Variants in CELSR1 observed in about 807,000 individuals in gnomAD.
The protein encoded by CELSR1 is cadherin EGF LAG seven-pass G-type receptor 1.
CELSR1 carries 110 observed loss-of-function variants against 249.1 expected under a neutral mutation model. The observed-to-expected ratio is 0.44, with a 90% CI of 0.38 to 0.52. The LOEUF (loss-of-function observed/expected upper bound fraction) is 0.52. Among genes scored for constraint, CELSR1 ranks in the 20% least tolerant of loss-of-function variants. CELSR1 has a pLI of 0.00. For missense variants in CELSR1, 4,109 were observed against 4,296.4 expected (o/e 0.96, Z 1.22); for synonymous variants, 2,113 against 1,900.0 (o/e 1.11, Z -2.92).
At position 46,364,737 on chromosome 22, in the gene CELSR1, C is replaced by A; in HGVS notation, c.8555-1G>T. 1 of 1,611,136 alleles carries A rather than the reference C, an allele frequency of 6.2e-7. No individual in the cohort carries two copies. The highest frequency in any genetic ancestry group is 8.5e-7 in the Non-Finnish European group (1 of 1,179,416). On this transcript the variant is annotated splice_acceptor_variant, in intron 32 of 34. Coordinates refer to ENST00000674500, the MANE Select transcript of CELSR1 (RefSeq NM_001378328.1). LOFTEE classifies it high-confidence loss of function. ...GGAACGTGGTTGGCCACAGCGTCCC[C>A]TGAGGCACGAGAGCGGTGCTCAGCA...
At chr22:46,465,302 CCCCACCCCAT>C (rs3838178) in intron 1 of CELSR1, among the ~76,000 whole-genome samples, 69,243 of 151,276 alleles carry the variant, frequency 0.46, 15,994 homozygotes, top group South Asian at 0.53. Flanking sequence ...TTCCAGGAGC[CCCCACCCCAT>C]CCCACCCCAT....
At position 46,439,421 on chromosome 22, in the gene CELSR1, G is replaced by C; in HGVS notation, c.4184-10C>G. On this transcript the variant is annotated splice_polypyrimidine_tract_variant and intron_variant, in intron 2 of 34. Transcript: ENST00000674500. ...ACCTCACAGTGCTCTCCTGGGGGGC[G>C]AGAGGAAGATGCCAGAGAGGAGGTT... 1 of 1,606,066 alleles carries C rather than the reference G, an allele frequency of 6.2e-7. No individual in the cohort carries two copies. Among genetic ancestry groups the C allele is most frequent in the Non-Finnish European group, 8.5e-7 (1 of 1,177,148 alleles).
At chr22:46,494,366 C>G (rs948415048) in intron 1 of CELSR1, among the ~76,000 whole-genome samples, 24 of 152,094 alleles carry the variant, frequency 1.6e-4, no homozygotes, top group African/African-American at 5.8e-4. Flanking sequence ...TTTCAACTTC[C>G]TCTAAATTAT....
intron 20 of CELSR1, among the ~76,000 whole-genome samples, chr22:46,382,869 C>T (rs957061774): frequency 2.6e-5 from 4 of 152,096 alleles, no homozygotes; most frequent in East Asian, 3.9e-4. Context: ...ACAGAAAGAA[C>T]GGTAGGCACC....
chr22:46,452,892 A>T (rs2079902580), intron 2 of CELSR1, among the ~76,000 whole-genome samples: 1 of 152,258 alleles, frequency 6.6e-6, no homozygotes, highest in African/African-American at 2.4e-5. Flanking sequence ...TCCAGGCCTC[A>T]GTAGTTGCTT....
At chr22:46,369,869 G>T in intron 25 of CELSR1, 65 bp from the exon 26 acceptor site, 2 of 1,402,324 alleles carry the variant, frequency 1.4e-6, no homozygotes, top group South Asian at 1.2e-5. Context: ...CCATGCCAAG[G>T]ACCAGCCAGG....
rs1333425864 is a variant in CELSR1 at position 46,427,588 on chromosome 22, A to T, written c.4611+5805T>A. On this transcript the variant is annotated intron_variant, in intron 5 of 34. Transcript: ENST00000674500. This position sits in a 1 kb window ranked among gnomAD's most constrained non-coding sequence, Gnocchi z 4.2. ...CTATGGCTTTTAAAATCTAGTAACAAGATCCTGGGAGCTCCTCCCCTCATC... is the reference window on the plus strand; with the variant it reads ...CTATGGCTTTTAAAATCTAGTAACATGATCCTGGGAGCTCCTCCCCTCATC... 6.6e-6 allele frequency among the ~76,000 whole-genome samples: 1 copy of T among 152,210 alleles called. No homozygotes were observed. The highest frequency in any genetic ancestry group is 1.9e-4 in the East Asian group (1 of 5,190).
At chr22:46,523,768 C>T (rs1249651050) in intron 1 of CELSR1, among the ~76,000 whole-genome samples, 2 of 152,112 alleles carry the variant, frequency 1.3e-5, no homozygotes, top group African/African-American at 4.8e-5. Context: ...AAATAAGAGC[C>T]TCCAGCTCTG....
At chr22:46,476,851 A>G (rs8135711) in intron 1 of CELSR1, among the ~76,000 whole-genome samples, 99,974 of 151,906 alleles carry the variant, frequency 0.66, 33,577 homozygotes, top group East Asian at 0.85. Flanking sequence ...ACTGCACAGA[A>G]GGAGAGGTTG....
chr22:46,504,514 A>AC (rs1008244181), intron 1 of CELSR1, among the ~76,000 whole-genome samples: 1 of 90,710 alleles, frequency 1.1e-5, no homozygotes, highest in African/African-American at 3.8e-5. Context: ...CAAAAAAAAA[A>AC]AAAAAACAAA....
chr22:46,487,046 A>C, intron 1 of CELSR1, among the ~76,000 whole-genome samples: 1 of 118,442 alleles, frequency 8.4e-6, no homozygotes, highest in Non-Finnish European at 1.8e-5. Flanking sequence ...CCTCACTCCC[A>C]CTCCCACTCC....
intron 1 of CELSR1, among the ~76,000 whole-genome samples, chr22:46,532,296 G>A (rs766323416): frequency 1.2e-4 from 18 of 152,168 alleles, no homozygotes; most frequent in East Asian, 1.2e-3. Flanking sequence ...CCATAACCCC[G>A]GTTAATTCGC....
intron 1 of CELSR1, among the ~76,000 whole-genome samples, chr22:46,479,211 G>A (rs2080241758): frequency 6.6e-6 from 1 of 151,836 alleles, no homozygotes; most frequent in African/African-American, 2.4e-5. Flanking sequence ...CTGAATCCTG[G>A]GAGCTTCTCT....
At chr22:46,485,840 C>G (rs939856987) in intron 1 of CELSR1, among the ~76,000 whole-genome samples, 1 of 152,044 alleles carries the variant, frequency 6.6e-6, no homozygotes, top group African/African-American at 2.4e-5. Flanking sequence ...TTTTGTTCAG[C>G]ATGTCCTGCT....
chr22:46,414,269 C>A (rs1313857019), intron 5 of CELSR1, among the ~76,000 whole-genome samples: 1 of 152,204 alleles, frequency 6.6e-6, no homozygotes, highest in Non-Finnish European at 1.5e-5. Flanking sequence ...CTCCCAGAGA[C>A]ACCCACCGGC....
rs1161023750 is a variant in CELSR1 at position 46,448,005 on chromosome 22, C to A, written c.4184-8594G>T. On this transcript the variant is annotated intron_variant, in intron 2 of 34. Transcript: ENST00000674500. This position sits in a 1 kb window ranked among gnomAD's most constrained non-coding sequence, Gnocchi z 5.7. ...ATGGCCTCATGCACCTGCCCCGCCA[C>A]TGGGGACCTGTCCCATACCAGGCTT... 2.0e-5 allele frequency among the ~76,000 whole-genome samples: 3 copies of A among 152,232 alleles called. No homozygotes were observed. The highest frequency in any genetic ancestry group is 4.4e-5 in the Non-Finnish European group (3 of 68,042).
Position 46,374,803 on chromosome 22 carries a change from G to A in CELSR1, c.7585-1746C>T, listed in dbSNP as rs1175922774. 2.0e-5 allele frequency among the ~76,000 whole-genome samples: 3 copies of A among 152,168 alleles called. No individual in the cohort carries two copies. The highest frequency in any genetic ancestry group is 2.9e-5 in the Non-Finnish European group (2 of 68,040). On this transcript the variant is annotated intron_variant, in intron 24 of 34. Transcript: ENST00000674500. This position sits in a 1 kb window ranked among gnomAD's most constrained non-coding sequence, Gnocchi z 4.3. Reference sequence around the variant, plus strand: ...GCGCGGATGAGAACGTGCCCATTGCGGGGATGCGCCCGGCTGCGGATGTGA... The same window carrying A: ...GCGCGGATGAGAACGTGCCCATTGCAGGGATGCGCCCGGCTGCGGATGTGA...
At chr22:46,442,202 G>A (rs1438077173) in intron 2 of CELSR1, among the ~76,000 whole-genome samples, 1 of 152,216 alleles carries the variant, frequency 6.6e-6, no homozygotes, top group African/African-American at 2.4e-5. Context: ...TAGGTGCTGA[G>A]GTATACCCCC....
At chr22:46,450,984 T>C (rs874827) in intron 2 of CELSR1, among the ~76,000 whole-genome samples, 32,936 of 152,174 alleles carry the variant, frequency 0.22, 4,230 homozygotes, top group Non-Finnish European at 0.28. Context: ...TGGTCCCTGT[T>C]CCTCCTGTTC....
Sources: allele counts gnomAD v4.1 joint callset (sites outside exome capture counted in the v4.1 genomes callset), GRCh38; gene constraint gnomAD v4.1.1; non-coding constraint Gnocchi (gnomAD v3.1); transcripts MANE v1.5; gene names NCBI Gene and HGNC (gene_info 2026-07-23, HGNC 2026-07-21).